The following GDAP1 variants were observed in gnomAD, a reference collection of about 807,000 sequenced individuals.
GDAP1 encodes the protein ganglioside induced differentiation associated protein 1, also known as ganglioside-induced differentiation-associated protein 1.
In GDAP1, 34 loss-of-function variants were observed where a neutral mutation model predicts 40.1. The ratio of observed to expected loss-of-function variants is 0.85; its 90% CI spans 0.64 to 1.13. GDAP1 has a LOEUF of 1.13. GDAP1 is among the 50% of genes most tolerant of loss of function. The pLI is 0.00. For missense variants in GDAP1, 374 were observed against 433.7 expected (o/e 0.86, Z 1.22); for synonymous variants, 170 against 157.4 (o/e 1.08, Z -0.60).
chr8:74,385,091 A>G (rs572918579), intron 2 of GDAP1, among the ~76,000 whole-genome samples: 2 of 152,332 alleles, frequency 1.3e-5, no homozygotes, highest in African/African-American at 4.8e-5. Flanking sequence ...TTTAAAGATC[A>G]TGGTACATCT....
intron 2 of GDAP1, among the ~76,000 whole-genome samples, chr8:74,448,643 T>C (rs774841608): frequency 6.6e-6 from 1 of 152,100 alleles, no homozygotes; most frequent in Non-Finnish European, 1.5e-5. Context: ...TAAAATGTTA[T>C]CTAATTGTGG....
At chr8:74,456,372 A>G (rs1410370521) in intron 2 of GDAP1, among the ~76,000 whole-genome samples, 1 of 152,024 alleles carries the variant, frequency 6.6e-6, no homozygotes, top group Non-Finnish European at 1.5e-5. Flanking sequence ...TACCAGAAAC[A>G]TAGAACAACT....
At chr8:74,367,060 T>A, downstream of GDAP1, 1 of 188,436 alleles carries the variant, frequency 5.3e-6, no homozygotes, top group Non-Finnish European at 1.0e-5. Flanking sequence ...TATGCACGGT[T>A]AAAATGAATA....
In GDAP1 at chr8:74,444,840, C is replaced by G. The variant is rs562762928; in HGVS notation, c.166-43838C>G. 7.9e-5 allele frequency among the ~76,000 whole-genome samples: 12 copies of G among 152,260 alleles called. No individual in the cohort carries two copies. The South Asian group carries it at 1.5e-3, about 18-fold the overall frequency. Reference sequence around the variant, plus strand: ...AAGGACTGGATGACTTTGGGAACATCCTTAAAGGCTAAATATATATTCCAT... The same window carrying G: ...AAGGACTGGATGACTTTGGGAACATGCTTAAAGGCTAAATATATATTCCAT... On this transcript the variant is annotated intron_variant, in intron 2 of 2. Coordinates refer to the GDAP1 transcript ENST00000523640.
intron 2 of GDAP1, among the ~76,000 whole-genome samples, chr8:74,408,770 G>A (rs1216209739): frequency 1.3e-5 from 2 of 150,020 alleles, no homozygotes; most frequent in Non-Finnish European, 1.5e-5. Flanking sequence ...TTGAATTCTC[G>A]ACTTATTGGT....
intron 2 of GDAP1, among the ~76,000 whole-genome samples, chr8:74,396,616 T>C (rs1038926348): frequency 6.6e-6 from 1 of 152,106 alleles, no homozygotes. Context: ...TTTGGTTTTT[T>C]GTCCTTGCGA....
At position 74,414,789 on chromosome 8, in the gene GDAP1, C is replaced by A. The variant is rs1053142651; in HGVS notation, c.165+63468C>A. 3.3e-5 allele frequency among the ~76,000 whole-genome samples: 5 copies of A among 149,934 alleles called. 1 individual carries two copies. The highest frequency in any genetic ancestry group is 1.3e-4 in the African/African-American group (5 of 39,382). ...ATTTCAAAAACTTAATGATTGAAAA[C>A]CTCCCAAATTTAGTGAAACACAAAG... On this transcript the variant is annotated intron_variant, in intron 2 of 2. Transcript: ENST00000523640.
At chr8:74,431,668 A>G (rs1806028042) in intron 2 of GDAP1, among the ~76,000 whole-genome samples, 1 of 151,976 alleles carries the variant, frequency 6.6e-6, no homozygotes, top group African/African-American at 2.4e-5. Flanking sequence ...TTTTTAGTAG[A>G]GACAGGGTTT....
chr8:74,459,473 A>T (rs1391996158), intron 2 of GDAP1, among the ~76,000 whole-genome samples: 3 of 152,150 alleles, frequency 2.0e-5, no homozygotes, highest in African/African-American at 4.8e-5. Flanking sequence ...TTTGTCTGGG[A>T]TTCTGCATTT....
intron 2 of GDAP1, among the ~76,000 whole-genome samples, chr8:74,352,295 A>T (rs914153874): frequency 7.9e-5 from 12 of 152,244 alleles, no homozygotes; most frequent in Admixed American, 7.2e-4. Flanking sequence ...TACACAGCTG[A>T]TCACAATGGA....
chr8:74,428,633 A>ATTTTT (rs1195348725), intron 2 of GDAP1, among the ~76,000 whole-genome samples: 6,223 of 42,838 alleles, frequency 0.15, 2,123 homozygotes, highest in African/African-American at 0.21. Flanking sequence ...CACCCGGCTA[A>ATTTTT]TTTTTTTTTT....
chr8:74,379,145 TCC>T (rs1809908360), intron 2 of GDAP1, among the ~76,000 whole-genome samples: 2 of 151,944 alleles, frequency 1.3e-5, no homozygotes, highest in African/African-American at 2.4e-5. Context: ...ACTTTCAGGG[TCC>T]GACTCAGGCT....
intron 2 of GDAP1, among the ~76,000 whole-genome samples, chr8:74,378,923 G>A (rs1809904321): frequency 6.6e-6 from 1 of 152,186 alleles, no homozygotes; most frequent in Non-Finnish European, 1.5e-5. Context: ...GTTGCTTATA[G>A]GTTCTAGAAG....
intron 2 of GDAP1, among the ~76,000 whole-genome samples, chr8:74,461,268 T>C (rs1806397258): frequency 6.6e-6 from 1 of 152,176 alleles, no homozygotes; most frequent in Non-Finnish European, 1.5e-5. Flanking sequence ...TATCCTAATA[T>C]AGATACTTTC....
At chr8:74,375,616 A>ATT (rs1809840604) in intron 2 of GDAP1, among the ~76,000 whole-genome samples, 1 of 152,196 alleles carries the variant, frequency 6.6e-6, no homozygotes, top group Admixed American at 6.5e-5. Flanking sequence ...GGATACTAGA[A>ATT]ATAGAAGGAA....
At chr8:74,473,000 T>C (rs1276851982) in intron 2 of GDAP1, among the ~76,000 whole-genome samples, 1 of 152,180 alleles carries the variant, frequency 6.6e-6, no homozygotes, top group Non-Finnish European at 1.5e-5. Context: ...TCTGCTAGCC[T>C]TGGGCTCCCA....
chr8:74,384,788 G>C (rs1334270244), intron 2 of GDAP1, among the ~76,000 whole-genome samples: 1 of 152,160 alleles, frequency 6.6e-6, no homozygotes, highest in Non-Finnish European at 1.5e-5. Context: ...TTGTGTAGCT[G>C]CACCGACTTA....
chr8:74,464,778 T>A (rs1806447444), intron 2 of GDAP1, among the ~76,000 whole-genome samples: 1 of 152,198 alleles, frequency 6.6e-6, no homozygotes, highest in African/African-American at 2.4e-5. Context: ...ATGCCATATT[T>A]AGGGAAAGGG....
rs1367926208 is a variant in GDAP1 at position 74,454,597 on chromosome 8, C to T, written c.166-34081C>T. On this transcript the variant is annotated intron_variant, in intron 2 of 2. Coordinates refer to the GDAP1 transcript ENST00000523640. ...ATACATTCACAAGGATGGTGTTCTT[C>T]CAAATAAACTCAAGGGTAACAGGGG... Among the ~76,000 whole-genome samples the T allele has an allele frequency of 2.4e-5, 2 of 82,966 alleles. 1 individual carries two copies. The highest frequency in any genetic ancestry group is 4.9e-5 in the Non-Finnish European group (2 of 40,760). The allele number at this position is 82,966 out of a possible 152,430, so 54.4% of individuals were successfully genotyped here.
Sources: allele counts gnomAD v4.1 joint callset (sites outside exome capture counted in the v4.1 genomes callset), GRCh38; gene constraint gnomAD v4.1.1; transcripts MANE v1.5; gene names NCBI Gene and HGNC (gene_info 2026-07-23, HGNC 2026-07-21).